The following SLC2A9 variants were observed in gnomAD, a reference collection of about 807,000 sequenced individuals.
The protein encoded by SLC2A9 is solute carrier family 2, facilitated glucose transporter member 9.
A neutral mutation model predicts 50.6 loss-of-function variants in SLC2A9; 39 were observed. The observed-to-expected ratio is 0.77, with a 90% confidence interval of 0.60 to 1.01. SLC2A9 has a LOEUF of 1.01. Among genes scored for constraint, SLC2A9 ranks in the 50% least tolerant of loss-of-function variants. SLC2A9 has a pLI of 0.00. For synonymous variants in SLC2A9, 324 were observed against 276.9 expected, an observed-to-expected ratio of 1.17 and a Z score of -1.69; for missense variants, 686 against 677.6, an observed-to-expected ratio of 1.01 and a Z score of -0.14.
At chr4:9,876,243 C>G (rs568274674) in intron 10 of SLC2A9, among the ~76,000 whole-genome samples, 1 of 152,292 alleles carries the variant, frequency 6.6e-6, no homozygotes, top group African/African-American at 2.4e-5. Context: ...TCCCAAGGGG[C>G]CTCCATCTCT....
intron 7 of SLC2A9, among the ~76,000 whole-genome samples, chr4:9,918,261 T>C (rs1577883927): frequency 6.6e-6 from 1 of 151,912 alleles, no homozygotes; most frequent in African/African-American, 2.4e-5. Context: ...ATCCCAGGGG[T>C]GGTGCCTGCA....
intron 6 of SLC2A9, among the ~76,000 whole-genome samples, chr4:9,935,665 T>C (rs1443103230): frequency 3.3e-5 from 5 of 152,302 alleles, no homozygotes; most frequent in African/African-American, 7.2e-5. Flanking sequence ...CTCAACAAGA[T>C]TGCTGTCCAA....
At chr4:9,979,669 C>T (rs1755376862) in intron 5 of SLC2A9, among the ~76,000 whole-genome samples, 1 of 152,118 alleles carries the variant, frequency 6.6e-6, no homozygotes, top group African/African-American at 2.4e-5. Context: ...CTACACCCAC[C>T]GCCTCCACCC....
chr4:10,038,506 CAAAAAAAAAAAAA>C (rs35698968), intron 1 of SLC2A9, among the ~76,000 whole-genome samples: 2 of 49,432 alleles, frequency 4.0e-5, no homozygotes, highest in Admixed American at 2.8e-4. Context: ...GACTCTGTCT[CAAAAAAAAAAAAA>C]AAAAAAAAAA....
downstream of SLC2A9, among the ~76,000 whole-genome samples, chr4:9,824,761 A>G (rs1304603267): frequency 1.3e-5 from 2 of 152,194 alleles, no homozygotes; most frequent in Non-Finnish European, 2.9e-5. Flanking sequence ...TAAATTCTCA[A>G]GTCTCCAAAT....
At chr4:9,890,165 C>A (rs1430618647) in intron 9 of SLC2A9, among the ~76,000 whole-genome samples, 1 of 152,184 alleles carries the variant, frequency 6.6e-6, no homozygotes, top group Non-Finnish European at 1.5e-5. Flanking sequence ...AAGCCAGGGT[C>A]CACACAGGCT....
intron 8 of SLC2A9, among the ~76,000 whole-genome samples, chr4:9,903,284 C>A (rs937459583): frequency 2.0e-5 from 3 of 151,044 alleles, no homozygotes; most frequent in African/African-American, 7.3e-5. Context: ...TACTACAAGT[C>A]AAGAGCATAT....
intron 10 of SLC2A9, chr4:9,879,798 T>G (rs1734902742): frequency 1.0e-6 from 1 of 985,344 alleles, no homozygotes; most frequent in Admixed American, 6.1e-5. Context: ...GGCAACGATC[T>G]TCTTTTTTTA....
chr4:10,004,031 G>C (rs996829778), intron 2 of SLC2A9, among the ~76,000 whole-genome samples: 1 of 152,206 alleles, frequency 6.6e-6, no homozygotes, highest in African/African-American at 2.4e-5. Context: ...CTCAGCCCCA[G>C]TGAGCAGGGA....
intron 5 of SLC2A9, among the ~76,000 whole-genome samples, chr4:9,978,522 C>T (rs912099984): frequency 5.9e-5 from 9 of 152,170 alleles, no homozygotes; most frequent in Non-Finnish European, 1.2e-4. Context: ...GGAGCTGAGG[C>T]TGTTATCTTG....
chr4:9,783,411 G>T (rs751348585), intron 3 of SLC2A9: 1 of 1,613,960 alleles, frequency 6.2e-7, no homozygotes, highest in Admixed American at 1.7e-5. Flanking sequence ...GACTGCGAGG[G>T]GGAGATTTCT....
chr4:9,783,059 T>C (rs1472444303), intron 3 of SLC2A9: 2 of 1,614,098 alleles, frequency 1.2e-6, no homozygotes, highest in Non-Finnish European at 8.5e-7. Flanking sequence ...CTTCGACGTC[T>C]TCGTCTGGTT....
chr4:9,867,062 C>A (rs916954700), intron 10 of SLC2A9, among the ~76,000 whole-genome samples: 1 of 152,206 alleles, frequency 6.6e-6, no homozygotes, highest in Admixed American at 6.5e-5. Flanking sequence ...TGAATCTTGC[C>A]TTTCCTCAGT....
chr4:9,879,503 G>C lies in SLC2A9; in HGVS notation c.1291+8064C>G, dbSNP rs1045357527. The stretch of plus-strand genomic sequence containing the variant: ...GAGGGCAGGCAGGGCAGGCAGAGAC[G>C]ACCACATAGGTTCTGTCAAATGCTG... On this transcript the variant is annotated intron_variant, in intron 10 of 11. Coordinates refer to ENST00000264784, the MANE Select transcript of SLC2A9 (RefSeq NM_020041.3). 1.2e-5 allele frequency: 12 copies of C among 985,172 alleles called. No individual in the cohort carries two copies. The African/African-American group carries it at 2.1e-4, about 17-fold the overall frequency. 61.0% of individuals were successfully genotyped at this position (985,172 alleles called of 1,614,324 possible).
At chr4:9,842,844 T>C (rs1004082383) in intron 10 of SLC2A9, among the ~76,000 whole-genome samples, 1 of 152,174 alleles carries the variant, frequency 6.6e-6, no homozygotes, top group Non-Finnish European at 1.5e-5. Flanking sequence ...CTATTCTGGA[T>C]TGCCCCAGAA....
intron 6 of SLC2A9, among the ~76,000 whole-genome samples, chr4:9,937,309 T>G (rs992009476): frequency 6.6e-6 from 1 of 152,304 alleles, no homozygotes; most frequent in East Asian, 1.9e-4. Context: ...CCGCCCCTTT[T>G]TGGCCCTTGG....
chr4:9,867,918 G>GC (rs1294952919), intron 10 of SLC2A9, among the ~76,000 whole-genome samples: 37 of 151,878 alleles, frequency 2.4e-4, no homozygotes, highest in East Asian at 9.7e-4. Flanking sequence ...TCACATGCGT[G>GC]CCCCCCCCAC....
At chr4:9,958,502 C>T (rs73227853) in intron 5 of SLC2A9, among the ~76,000 whole-genome samples, 29,649 of 151,880 alleles carry the variant, frequency 0.2, 3,099 homozygotes, top group African/African-American at 0.22. Context: ...GGAGGTGAGG[C>T]CTAAGGGAGA....
At chr4:9,954,103 C>T (rs1246852294) in intron 5 of SLC2A9, among the ~76,000 whole-genome samples, 2 of 152,220 alleles carry the variant, frequency 1.3e-5, no homozygotes, top group Non-Finnish European at 2.9e-5. Flanking sequence ...GCCACTGCGC[C>T]CAGCCCTAAT....
Sources: gnomAD v4.1 joint callset for allele counts (sites outside exome capture counted in the v4.1 genomes callset) on GRCh38, gnomAD v4.1.1 for gene constraint, MANE v1.5 for transcripts, NCBI Gene and HGNC (gene_info 2026-07-23, HGNC 2026-07-21) for gene names.